ASPG: variants seen among roughly 807,000 people sequenced by gnomAD.
ASPG encodes asparaginase, also known as 60 kDa lysophospholipase.
ASPG carries 53 observed loss-of-function variants against 63.2 expected under a neutral mutation model. That is an observed-to-expected ratio of 0.84 (90% confidence interval 0.67 to 1.05). The LOEUF is 1.05. Among genes scored for constraint, ASPG ranks in the 50% least tolerant of loss-of-function variants. The pLI is 0.00. For synonymous variants in ASPG, 370 were observed against 355.0 expected (o/e 1.04, Z -0.48); for missense variants, 741 against 794.4 (o/e 0.93, Z 0.81).
At position 104,112,703 on chromosome 14, in the gene ASPG, C is replaced by A. The variant is rs1225492635; in HGVS notation, c.*159C>A. 1.0e-5 allele frequency: 15 copies of A among 1,490,644 alleles called. No homozygotes were observed. The highest frequency in any genetic ancestry group is 9.9e-5 in the Admixed American group (5 of 50,328). 92.3% of individuals were successfully genotyped at this position (1,490,644 alleles called of 1,614,324 possible). ...AGGACGGCAATAAAGTCTCTGACATCCCCTCACCAGGTCTGTACAGCCTGG... is the reference window on the plus strand; with the variant it reads ...AGGACGGCAATAAAGTCTCTGACATACCCTCACCAGGTCTGTACAGCCTGG... On this transcript the variant is annotated 3_prime_UTR_variant, in exon 16 of 16. Transcript: ENST00000551177.
chr14:104,093,653 G>T, intron 3 of ASPG, 51 bp downstream of exon 3: 1 of 917,726 alleles, frequency 1.1e-6, no homozygotes, highest in Non-Finnish European at 1.4e-6. Context: ...GGGTGGGGCT[G>T]AGGTGTGTGG....
At chr14:104,111,139 G>A in intron 13 of ASPG, 1 of 985,462 alleles carries the variant, frequency 1.0e-6, no homozygotes, top group Non-Finnish European at 1.2e-6. Context: ...GTGTGCAAAG[G>A]CGCATGTGCT....
chr14:104,103,393 C>G (rs956578570), intron 6 of ASPG, among the ~76,000 whole-genome samples, 170 bp from the exon 7 acceptor site: 1 of 152,240 alleles, frequency 6.6e-6, no homozygotes, highest in Non-Finnish European at 1.5e-5. Context: ...CGCGGAAGCC[C>G]GGGAGGATTT....
rs546773604 is a variant in ASPG at position 104,095,148 on chromosome 14, C to T, written c.304-383C>T. On this transcript the variant is annotated intron_variant, in intron 3 of 15. Coordinates refer to ENST00000551177, the MANE Select transcript of ASPG (RefSeq NM_001080464.3). ...ACCCTGCAGGCGTCCTTGTGCCCAC[C>T]GTTGTGTTCTTGCCTGACCCGCGGT... Among the ~76,000 whole-genome samples, 5 of 152,340 alleles carry T rather than the reference C, an allele frequency of 3.3e-5. No individual in the cohort carries two copies. In the South Asian group the frequency reaches 6.2e-4, roughly 19 times the overall value.
Position 104,110,972 on chromosome 14 carries a change from C to T in ASPG, c.1521-530C>T, listed in dbSNP as rs1004439110. 3.0e-6 allele frequency: 3 copies of T among 985,292 alleles called. No homozygotes were observed. The African/African-American group carries it at 5.2e-5, about 17-fold the overall frequency. 61.0% of individuals were successfully genotyped at this position (985,292 alleles called of 1,614,324 possible). ...CATGCAGTCTGCCGGGGTCCAGGGCCAACCGTTATCCTGGGTTGCCTCCTG... is the reference window on the plus strand; with the variant it reads ...CATGCAGTCTGCCGGGGTCCAGGGCTAACCGTTATCCTGGGTTGCCTCCTG... On this transcript the variant is annotated intron_variant, in intron 13 of 15. Transcript: ENST00000551177. This position sits in a 1 kb window ranked among gnomAD's most constrained non-coding sequence, Gnocchi z 4.7.
At chr14:104,102,377 G>A (rs904257507) in intron 6 of ASPG, among the ~76,000 whole-genome samples, 1 of 152,120 alleles carries the variant, frequency 6.6e-6, no homozygotes, top group Non-Finnish European at 1.5e-5. Flanking sequence ...GGAAGCGGCC[G>A]GAGACATGTG....
intron 10 of ASPG, among the ~76,000 whole-genome samples, chr14:104,105,948 C>A (rs2037107016): frequency 6.6e-6 from 1 of 152,258 alleles, no homozygotes; most frequent in Non-Finnish European, 1.5e-5. Flanking sequence ...GCAACATGCC[C>A]CCTTGGCTGC....
chr14:104,089,622 T>A (rs2036307901), intron 1 of ASPG, among the ~76,000 whole-genome samples: 1 of 152,118 alleles, frequency 6.6e-6, no homozygotes. Context: ...AGTTGGAAAG[T>A]GGTCCACTCG....
chr14:104,099,435 TC>T, intron 6 of ASPG, among the ~76,000 whole-genome samples: 1 of 152,252 alleles, frequency 6.6e-6, no homozygotes, highest in Non-Finnish European at 1.5e-5. Flanking sequence ...TCCTGAGGCT[TC>T]CCCCTGGGGG....
rs1304434599 is a variant in ASPG, at chr14:104,093,108, C to G, written c.191+367C>G. Reference sequence around the variant, plus strand: ...CCATTTCTCAGCTCTGGGCCCAGCTCCCTGATGTCCCCCACAGCTGGGGGT... The same window carrying G: ...CCATTTCTCAGCTCTGGGCCCAGCTGCCTGATGTCCCCCACAGCTGGGGGT... On this transcript the variant is annotated intron_variant, in intron 2 of 15. Transcript: ENST00000551177. The G allele has an allele frequency of 4.6e-5, 22 of 476,274 alleles. No individual in the cohort carries two copies. In the Admixed American group the frequency reaches 7.7e-4, roughly 17 times the overall value. 29.5% of individuals were successfully genotyped at this position (476,274 alleles called of 1,614,324 possible).
In ASPG at chr14:104,097,946, T is replaced by TTAGAGATGCGTATGGAGGTTCTGC. The variant is rs1566830199; in HGVS notation, c.513+309_513+310insTAGAGATGCGTATGGAGGTTCTGC. Among the ~76,000 whole-genome samples the TTAGAGATGCGTATGGAGGTTCTGC allele has an allele frequency of 7.3e-3, 139 of 18,936 alleles. 1 individual carries two copies. The highest frequency in any genetic ancestry group is 0.013 in the Non-Finnish European group (94 of 7,310). The allele number at this position is 18,936 out of a possible 152,430, so 12.4% of individuals were successfully genotyped here. A position where few individuals can be genotyped will look rare whatever the true frequency, so the allele number is the denominator to read the frequency against. ...GTTAGAGATGCGTATGGAGGTTCTG[T>TTAGAGATGCGTATGGAGGTTCTGC]GTTAGAGATGCGTATGGAGGTTCTG... On this transcript the variant is annotated intron_variant, in intron 5 of 15. Coordinates refer to ENST00000551177, the MANE Select transcript of ASPG (RefSeq NM_001080464.3).
rs2037333459 is a variant in ASPG, at chr14:104,110,323, TCTC to T, written c.1520+1012_1520+1014del. 1 of 985,190 alleles carries T rather than the reference TCTC, an allele frequency of 1.0e-6. No individual in the cohort carries two copies. 61.0% of individuals were successfully genotyped at this position (985,190 alleles called of 1,614,324 possible). A position where few individuals can be genotyped will look rare whatever the true frequency, so the allele number is the denominator to read the frequency against. On this transcript the variant is annotated intron_variant, in intron 13 of 15. Coordinates refer to ENST00000551177, the MANE Select transcript of ASPG (RefSeq NM_001080464.3). This position sits in a 1 kb window ranked among gnomAD's most constrained non-coding sequence, Gnocchi z 4.7. ...AGGAGGAGGACTAGCAGCTCTGGCTTCTCCTCTGGGACCGGCCCACAACCCCTG... is the reference window on the plus strand; with the variant it reads ...AGGAGGAGGACTAGCAGCTCTGGCTTCTCTGGGACCGGCCCACAACCCCTG...
chr14:104,108,194 C>A (rs190369813), intron 12 of ASPG, among the ~76,000 whole-genome samples: 3 of 151,912 alleles, frequency 2.0e-5, no homozygotes, highest in Non-Finnish European at 4.4e-5. Flanking sequence ...TTCTTTCCAG[C>A]CTCCTGTGAT....
chr14:104,093,271 T>C (rs918540999), intron 2 of ASPG: 2 of 604,794 alleles, frequency 3.3e-6, no homozygotes, highest in East Asian at 2.8e-5. Context: ...CTGCTGGGAG[T>C]GGCCCATCCT....
In ASPG at chr14:104,109,639, T is replaced by C. The variant is rs1375029309; in HGVS notation, c.1520+324T>C. On this transcript the variant is annotated intron_variant, in intron 13 of 15. Coordinates refer to ENST00000551177, the MANE Select transcript of ASPG (RefSeq NM_001080464.3). This position sits in a 1 kb window ranked among gnomAD's most constrained non-coding sequence, Gnocchi z 4.8. ...TGGGCTTGAGGAGGGGTATGGGAATTGGTTGTCGGGTGTGAGAGGGGCTGG... is the reference window on the plus strand; with the variant it reads ...TGGGCTTGAGGAGGGGTATGGGAATCGGTTGTCGGGTGTGAGAGGGGCTGG... Among the ~76,000 whole-genome samples the C allele has an allele frequency of 1.1e-5, 1 of 89,838 alleles. No homozygotes were observed. Among genetic ancestry groups the C allele is most frequent in the African/African-American group, 4.4e-5 (1 of 22,940 alleles). The allele number at this position is 89,838 out of a possible 152,430, so 58.9% of individuals were successfully genotyped here.
Position 104,112,866 on chromosome 14 carries a change from G to A in ASPG, c.*322G>A. On this transcript the variant is annotated 3_prime_UTR_variant, in exon 16 of 16. Coordinates refer to ENST00000551177, the MANE Select transcript of ASPG (RefSeq NM_001080464.3). Reference sequence around the variant, plus strand: ...GCGTGTGAGCTGGGCAGGGTGGGGTGCATGGACGTGACTTGGCCAAGTGGT... The same window carrying A: ...GCGTGTGAGCTGGGCAGGGTGGGGTACATGGACGTGACTTGGCCAAGTGGT... The A allele has an allele frequency of 2.3e-6, 1 of 444,420 alleles. No homozygotes were observed. Among genetic ancestry groups the A allele is most frequent in the Non-Finnish European group, 4.1e-6 (1 of 241,998 alleles). The allele number at this position is 444,420 out of a possible 1,614,324, so 27.5% of individuals were successfully genotyped here. A position where few individuals can be genotyped will look rare whatever the true frequency, so the allele number is the denominator to read the frequency against.
Position 104,098,928 on chromosome 14 carries a change from T to C in ASPG, c.589T>C (p.Phe197Leu). ...TKVDARRFAA[F>L]CSPNLLPLAT... ...GGTAGACGCTCGGAGGTTCGCAGCT[T>C]TCTGCTCCCCGAACCTGCTGCCTCT... Residue 197 changes from phenylalanine (F) to leucine (L), a missense_variant, in exon 6 of 16, where the codon TTC becomes CTC. By Grantham distance (22) the Phe-to-Leu change is conservative. Coordinates refer to ENST00000551177, the MANE Select transcript of ASPG (RefSeq NM_001080464.3). 1 of 1,608,210 alleles carries C rather than the reference T, an allele frequency of 6.2e-7. No individual in the cohort carries two copies.
rs375032867 is a variant in ASPG at position 104,106,766 on chromosome 14, C to G, written c.1174-33C>G. The G allele has an allele frequency of 5.2e-6, 8 of 1,536,588 alleles. 1 individual carries two copies. In the South Asian group the frequency reaches 9.6e-5, roughly 18 times the overall value. On this transcript the variant is annotated intron_variant, in intron 10 of 15. Coordinates refer to ENST00000551177, the MANE Select transcript of ASPG (RefSeq NM_001080464.3). ...AGTTCCACCAGATGCCAAAGGGAGGCGTGGGTCCCAGGGTGCCGCCTTCCC... is the reference window on the plus strand; with the variant it reads ...AGTTCCACCAGATGCCAAAGGGAGGGGTGGGTCCCAGGGTGCCGCCTTCCC...
At chr14:104,107,460 G>C (rs947628244) in intron 12 of ASPG, 115 bp downstream of exon 12, 10 of 1,084,884 alleles carry the variant, frequency 9.2e-6, no homozygotes, top group Non-Finnish European at 1.2e-5. Context: ...GAGGACACCT[G>C]CTTCCTAAAG....
Sources: gnomAD v4.1 joint callset for allele counts (sites outside exome capture counted in the v4.1 genomes callset) on GRCh38, gnomAD v4.1.1 for gene constraint, Gnocchi (gnomAD v3.1) non-coding constraint, MANE v1.5 for transcripts, NCBI Gene and HGNC (gene_info 2026-07-23, HGNC 2026-07-21) for gene names.